Variants in DBNL observed in about 807,000 individuals in gnomAD.
The protein encoded by DBNL is drebrin-like protein.
In DBNL, 35 loss-of-function variants were observed where a neutral mutation model predicts 62.2. That is an observed-to-expected ratio of 0.56 (90% CI 0.43 to 0.75). The LOEUF is 0.75. Ranked by LOEUF, DBNL falls within the 30% of genes least tolerant of loss-of-function variation. DBNL has a pLI of 0.00. For missense variants in DBNL, 495 were observed against 578.4 expected, an observed-to-expected ratio of 0.86 and a Z score of 1.48; for synonymous variants, 197 against 218.0, an observed-to-expected ratio of 0.90 and a Z score of 0.85.
chr7:44,054,490 G>C (rs770886879), intron 4 of DBNL, among the ~76,000 whole-genome samples: 2 of 152,126 alleles, frequency 1.3e-5, no homozygotes, highest in Non-Finnish European at 2.9e-5. Flanking sequence ...ACCGCACCTG[G>C]CCCAGAGTTT....
In DBNL at chr7:44,059,966, C is replaced by A; in HGVS notation, c.1048-82C>A. The A allele has an allele frequency of 7.0e-7, 1 of 1,418,972 alleles. No individual in the cohort carries two copies. Among genetic ancestry groups the A allele is most frequent in the Non-Finnish European group, 9.7e-7 (1 of 1,026,196 alleles). 87.9% of individuals were successfully genotyped at this position (1,418,972 alleles called of 1,614,324 possible). ...CTGCTTGCCCTCTGCGTACTCCCAG[C>A]TTGACCTGAGCCATGTGGGGCAGAG... On this transcript the variant is annotated intron_variant, in intron 11 of 12. Coordinates refer to ENST00000448521, the MANE Select transcript of DBNL (RefSeq NM_001014436.3). The surrounding 1 kb of genome is among the most constrained non-coding windows in gnomAD (Gnocchi z 4.1).
Position 44,065,562 on chromosome 7 carries a change from G to T in DBNL, c.*4646G>T, listed in dbSNP as rs201610176. On this transcript the variant is annotated 3_prime_UTR_variant, in exon 13 of 13. Transcript: ENST00000448521. Reference sequence around the variant, plus strand: ...GCAGGGACCACAGAGGACTCTGGACGGGGACGGCTGCTTCCCAACACTCCC... The same window carrying T: ...GCAGGGACCACAGAGGACTCTGGACTGGGACGGCTGCTTCCCAACACTCCC... 94 of 1,603,592 alleles carry T rather than the reference G, an allele frequency of 5.9e-5. No individual in the cohort carries two copies. Among genetic ancestry groups the T allele is most frequent in the Non-Finnish European group, 7.5e-5 (88 of 1,172,170 alleles).
In DBNL at chr7:44,065,019, G is replaced by A. The variant is rs2096156778; in HGVS notation, c.*4103G>A. 6 of 1,606,590 alleles carry A rather than the reference G, an allele frequency of 3.7e-6. No individual in the cohort carries two copies. The East Asian group carries it at 1.3e-4, about 36-fold the overall frequency. On this transcript the variant is annotated 3_prime_UTR_variant, in exon 13 of 13. Coordinates refer to ENST00000448521, the MANE Select transcript of DBNL (RefSeq NM_001014436.3). ...GGCCTGCGTACCGACGCTCCTGGGG[G>A]ACACAGGCACGCTGCTTTCCCTCCC...
intron 8 of DBNL, 127 bp from the exon 9 acceptor site, chr7:44,058,773 CAT>C: frequency 9.8e-7 from 1 of 1,016,126 alleles, no homozygotes; most frequent in Non-Finnish European, 1.5e-6. Context: ...CTCCTGAGAA[CAT>C]GTTTTGCCTC....
intron 4 of DBNL, 111 bp from the exon 5 acceptor site, chr7:44,056,646 G>T: frequency 7.0e-7 from 1 of 1,425,396 alleles, no homozygotes; most frequent in Non-Finnish European, 9.4e-7. Context: ...CTAGTTTCCT[G>T]ATTCCAGTCC....
rs2096160253 is a variant in DBNL, at chr7:44,066,444, AAG to A, written c.*5532_*5533del. Reference sequence around the variant, plus strand: ...GGGGATGAGAGCCACCAAGGCAGGGAAGAGACTATGAGCAATAAAGTCACAAT... The same window carrying A: ...GGGGATGAGAGCCACCAAGGCAGGGAAGACTATGAGCAATAAAGTCACAAT... On this transcript the variant is annotated 3_prime_UTR_variant, in exon 13 of 13. Coordinates refer to ENST00000448521, the MANE Select transcript of DBNL (RefSeq NM_001014436.3). 6.6e-6 allele frequency: 1 copy of A among 152,346 alleles called. No homozygotes were observed. The highest frequency in any genetic ancestry group is 1.5e-5 in the Non-Finnish European group (1 of 68,106). 9.4% of individuals were successfully genotyped at this position (152,346 alleles called of 1,614,324 possible).
rs988650134 is a variant in DBNL, at chr7:44,068,248, G to C, written c.*7332G>C. 1 of 152,170 alleles carries C rather than the reference G, an allele frequency of 6.6e-6. No homozygotes were observed. Among genetic ancestry groups the C allele is most frequent in the African/African-American group, 2.4e-5 (1 of 41,390 alleles). The allele number at this position is 152,170 out of a possible 1,614,324, so 9.4% of individuals were successfully genotyped here. A position where few individuals can be genotyped will look rare whatever the true frequency, so the allele number is the denominator to read the frequency against. On this transcript the variant is annotated 3_prime_UTR_variant, in exon 13 of 13. Transcript: ENST00000448521. ...GTATGCAGCAGGGTAGGTAGGGAAA[G>C]AGCCCCAGATTTGTGGCTGGAGGTC...
At chr7:44,050,652 TGTGCCGA>T (rs1374125596) in intron 2 of DBNL, 1 of 206,178 alleles carries the variant, frequency 4.9e-6, no homozygotes, top group Non-Finnish European at 1.0e-5. Context: ...GCCCTGGTCT[TGTGCCGA>T]GTGCTTGCAG....
chr7:44,045,364 C>A (rs2096115272), intron 1 of DBNL, among the ~76,000 whole-genome samples: 1 of 152,214 alleles, frequency 6.6e-6, no homozygotes, highest in African/African-American at 2.4e-5. Context: ...TGTCTGTGAA[C>A]GTGGACTTCA....
Position 44,057,793 on chromosome 7 carries a change from C to G in DBNL, c.486C>G (p.Tyr162Ter), listed in dbSNP as rs1185507319. 6.2e-7 allele frequency: 1 copy of G among 1,614,076 alleles called. No homozygotes were observed. The highest frequency in any genetic ancestry group is 8.5e-7 in the Non-Finnish European group (1 of 1,180,034). The change falls in exon 6 of 13, where the codon TAC (tyrosine) becomes TAG (stop). Residue 162 changes from tyrosine (Y) to a stop codon, truncating the protein, a stop_gained. Coordinates refer to ENST00000448521, the MANE Select transcript of DBNL (RefSeq NM_001014436.3). LOFTEE classifies it high-confidence loss of function. Reference protein sequence around the residue: ...VGPQAPVGSVYQKTNAVSEIK... With the variant: ...VGPQAPVGSV ...GCTGTCCCCTACAGGGCTCTGTGTA[C>G]CAGAAGACCAATGCCGTGTCTGAGA...
At chr7:44,054,123 C>A (rs539061476) in intron 4 of DBNL, among the ~76,000 whole-genome samples, 2 of 152,170 alleles carry the variant, frequency 1.3e-5, no homozygotes, top group Admixed American at 1.3e-4. Flanking sequence ...ATGAAGAAAT[C>A]ATTGGCTTAC....
chr7:44,067,095 A>AG lies in DBNL; in HGVS notation c.*6181dup, dbSNP rs760455287. ...TGTACTGGGAGAGATGGGAAAGGAG[A>AG]GGCCGGGGACAGCCCTGAGGTGACA... On this transcript the variant is annotated 3_prime_UTR_variant, in exon 13 of 13. Coordinates refer to ENST00000448521, the MANE Select transcript of DBNL (RefSeq NM_001014436.3). 2.0e-5 allele frequency: 3 copies of AG among 152,574 alleles called. No homozygotes were observed. The highest frequency in any genetic ancestry group is 6.5e-5 in the Admixed American group (1 of 15,280). 9.5% of individuals were successfully genotyped at this position (152,574 alleles called of 1,614,324 possible).
At position 44,065,124 on chromosome 7, in the gene DBNL, T is replaced by A. The variant is rs985176683; in HGVS notation, c.*4208T>A. 6.2e-7 allele frequency: 1 copy of A among 1,613,828 alleles called. No individual in the cohort carries two copies. The highest frequency in any genetic ancestry group is 8.5e-7 in the Non-Finnish European group (1 of 1,180,026). On this transcript the variant is annotated 3_prime_UTR_variant, in exon 13 of 13. Transcript: ENST00000448521. ...CAGCAAAGGCAGCCCACCTTGCTAA[T>A]GGAGTTGTAGTAGGGGTGCTTCTCG...
chr7:44,062,658 CT>C lies in DBNL; in HGVS notation c.*1743del. The C allele has an allele frequency of 7.9e-7, 1 of 1,273,052 alleles. No individual in the cohort carries two copies. The highest frequency in any genetic ancestry group is 1.1e-6 in the Non-Finnish European group (1 of 894,368). 78.9% of individuals were successfully genotyped at this position (1,273,052 alleles called of 1,614,324 possible). A position where few individuals can be genotyped will look rare whatever the true frequency, so the allele number is the denominator to read the frequency against. ...TGGGGGAGGGTGGGTGGCTGCACCC[CT>C]GGTTCTGGAGTCCCCACAGCTGATG... On this transcript the variant is annotated 3_prime_UTR_variant, in exon 13 of 13. Transcript: ENST00000448521.
intron 3 of DBNL, among the ~76,000 whole-genome samples, chr7:44,052,192 A>C (rs2096127735): frequency 6.6e-6 from 1 of 152,134 alleles, no homozygotes; most frequent in South Asian, 2.1e-4. Flanking sequence ...AAAAGCAGTC[A>C]CAGGGAGTCC....
At position 44,062,888 on chromosome 7, in the gene DBNL, C is replaced by A. The variant is rs2096151921; in HGVS notation, c.*1972C>A. ...GTTCAGCTCATACACAATGGGGATCCCCGTGGGCAGGTTCAGCTCCATGAT... is the reference window on the plus strand; with the variant it reads ...GTTCAGCTCATACACAATGGGGATCACCGTGGGCAGGTTCAGCTCCATGAT... On this transcript the variant is annotated 3_prime_UTR_variant, in exon 13 of 13. Coordinates refer to ENST00000448521, the MANE Select transcript of DBNL (RefSeq NM_001014436.3). 1 of 1,614,204 alleles carries A rather than the reference C, an allele frequency of 6.2e-7. No homozygotes were observed. Among genetic ancestry groups the A allele is most frequent in the Non-Finnish European group, 8.5e-7 (1 of 1,180,046 alleles).
In DBNL at chr7:44,060,881, A is replaced by G; in HGVS notation, c.1258A>G (p.Met420Val). ...CTATGGGCCGGATGGCCATTTTGGC[A>G]TGTTCCCTGCCAACTACGTGGAGCT... ...RGYGPDGHFG[M>V]FPANYVELIE Residue 420 changes from methionine to valine, a missense_variant, in exon 13 of 13, where the codon ATG (methionine) becomes GTG (valine). Physicochemically the swap from Met to Val is conservative, Grantham distance 21 (BLOSUM62 1). Coordinates refer to ENST00000448521, the MANE Select transcript of DBNL (RefSeq NM_001014436.3). The surrounding 1 kb of genome is among the most constrained non-coding windows in gnomAD (Gnocchi z 6.3). 6.2e-7 allele frequency: 1 copy of G among 1,614,076 alleles called. No homozygotes were observed. The highest frequency in any genetic ancestry group is 8.5e-7 in the Non-Finnish European group (1 of 1,179,984).
chr7:44,058,598 C>A, intron 8 of DBNL, 118 bp downstream of exon 8: 1 of 1,395,230 alleles, frequency 7.2e-7, no homozygotes, highest in Non-Finnish European at 9.8e-7. Context: ...TCAGCTGGGG[C>A]AGGTTGGAAT....
chr7:44,049,940 C>G (rs1234332181), intron 1 of DBNL: 1 of 368,034 alleles, frequency 2.7e-6, no homozygotes, highest in African/African-American at 2.1e-5. Context: ...ATGTTTTCCT[C>G]ATAGTAGATG....
Sources: gnomAD v4.1 joint callset for allele counts (sites outside exome capture counted in the v4.1 genomes callset) on GRCh38, gnomAD v4.1.1 for gene constraint, Gnocchi (gnomAD v3.1) non-coding constraint, MANE v1.5 for transcripts, NCBI Gene and HGNC (gene_info 2026-07-23, HGNC 2026-07-21) for gene names.